TRIM24: variants seen among roughly 807,000 people sequenced by gnomAD.
TRIM24 encodes transcription intermediary factor 1-alpha.
A neutral mutation model predicts 123.9 loss-of-function variants in TRIM24; 29 were observed. The ratio of observed to expected loss-of-function variants is 0.23; its 90% CI spans 0.17 to 0.32. The LOEUF (loss-of-function observed/expected upper bound fraction) is 0.32, where lower values mean the gene tolerates loss of function less well. TRIM24 is among the 10% of genes least tolerant of loss of function. The pLI, the probability that TRIM24 is intolerant of heterozygous loss-of-function variation, is 1.00. For synonymous variants in TRIM24, 456 were observed against 461.1 expected, an observed-to-expected ratio of 0.99 and a Z score of 0.14; for missense variants, 932 against 1,295.3, an observed-to-expected ratio of 0.72 and a Z score of 4.31.
chr7:138,568,764 T>G (rs930451557), intron 10 of TRIM24, among the ~76,000 whole-genome samples: 1 of 150,996 alleles, frequency 6.6e-6, no homozygotes, highest in Non-Finnish European at 1.5e-5. Flanking sequence ...TCACAGTGTT[T>G]TTTCTTCTCA....
At chr7:138,466,773 T>C (rs1795151568) in intron 1 of TRIM24, among the ~76,000 whole-genome samples, 1 of 152,208 alleles carries the variant, frequency 6.6e-6, no homozygotes, top group Non-Finnish European at 1.5e-5. Context: ...TCTTGGTGTC[T>C]TTTGAAGAGC....
At chr7:138,575,909 G>C (rs1395730967) in intron 12 of TRIM24, among the ~76,000 whole-genome samples, 1 of 151,786 alleles carries the variant, frequency 6.6e-6, no homozygotes, top group Non-Finnish European at 1.5e-5. Context: ...TTTCTTTTTT[G>C]AACTCCTTTT....
At chr7:138,462,778 C>T (rs62487613) in intron 1 of TRIM24, among the ~76,000 whole-genome samples, 2 of 152,170 alleles carry the variant, frequency 1.3e-5, no homozygotes, top group African/African-American at 2.4e-5. Context: ...GTTGGACACT[C>T]TCAGATCCTT....
chr7:138,521,506 G>C (rs1300959264), intron 4 of TRIM24, among the ~76,000 whole-genome samples: 1 of 151,944 alleles, frequency 6.6e-6, no homozygotes, highest in African/African-American at 2.4e-5. Context: ...ATGTGGAATA[G>C]TTAATCAGTA....
At chr7:138,500,018 A>G (rs936839496) in intron 1 of TRIM24, among the ~76,000 whole-genome samples, 1 of 152,146 alleles carries the variant, frequency 6.6e-6, no homozygotes, top group Non-Finnish European at 1.5e-5. Flanking sequence ...GGTGATCCAT[A>G]TCATGATCCT....
At chr7:138,515,467 C>G (rs1796375674) in intron 3 of TRIM24, 108 bp downstream of exon 3, 1 of 1,258,772 alleles carries the variant, frequency 7.9e-7, no homozygotes, top group Non-Finnish European at 1.1e-6. Flanking sequence ...ATTAAATATA[C>G]TGTTTTAAGT....
At chr7:138,572,835 G>A (rs1202711368) in intron 11 of TRIM24, among the ~76,000 whole-genome samples, 2 of 152,206 alleles carry the variant, frequency 1.3e-5, no homozygotes, top group African/African-American at 4.8e-5. Flanking sequence ...TTAGGGATTT[G>A]TAAATATTTT....
At chr7:138,532,887 G>C (rs1403947710) in intron 6 of TRIM24, among the ~76,000 whole-genome samples, 1 of 151,958 alleles carries the variant, frequency 6.6e-6, no homozygotes, top group African/African-American at 2.4e-5. Context: ...CTTTTATTTT[G>C]TTGAGCAGTG....
chr7:138,541,083 A>G (rs1584728996), intron 7 of TRIM24, among the ~76,000 whole-genome samples: 1 of 151,906 alleles, frequency 6.6e-6, no homozygotes, highest in Non-Finnish European at 1.5e-5. Context: ...CAAGTGATCC[A>G]CCCGCCTTGG....
In TRIM24 at chr7:138,508,692, T is replaced by TGTGCGCGCGCGCGCGC. The variant is rs1422176564; in HGVS notation, c.483+4285_483+4286insTGCGCGCGCGCGCGCG. Among the ~76,000 whole-genome samples the TGTGCGCGCGCGCGCGC allele has an allele frequency of 3.1e-3, 422 of 137,252 alleles. 10 individuals carry two copies. Among genetic ancestry groups the TGTGCGCGCGCGCGCGC allele is most frequent in the Non-Finnish European group, 5.2e-3 (332 of 64,112 alleles). The allele number at this position is 137,252 out of a possible 152,430, so 90.0% of individuals were successfully genotyped here. On this transcript the variant is annotated intron_variant, in intron 2 of 18. Coordinates refer to ENST00000343526, the MANE Select transcript of TRIM24 (RefSeq NM_015905.3). ...GTGTGTGTGTGTGTGTGTGTGTGTG[T>TGTGCGCGCGCGCGCGC]GCGCGCGCGTGTGTGCGTGTGTGTG... is the stretch of plus-strand genomic sequence containing the variant.
intron 1 of TRIM24, chr7:138,490,792 T>G: frequency 2.0e-6 from 1 of 493,116 alleles, no homozygotes; most frequent in Non-Finnish European, 4.0e-6. Context: ...TCTTTTCCAG[T>G]GCTATCCGGA....
intron 5 of TRIM24, among the ~76,000 whole-genome samples, chr7:138,528,093 G>A (rs1796649940): frequency 6.6e-6 from 1 of 152,162 alleles, no homozygotes. Flanking sequence ...TTGCTATGCG[G>A]CCTAGATGGC....
chr7:138,509,470 G>A (rs1023283278), intron 2 of TRIM24, among the ~76,000 whole-genome samples: 4 of 150,732 alleles, frequency 2.7e-5, no homozygotes, highest in African/African-American at 7.3e-5. Context: ...TTGTGAGGCC[G>A]AGGCAGGCGG....
intron 6 of TRIM24, among the ~76,000 whole-genome samples, chr7:138,533,565 C>T (rs1270732034): frequency 6.6e-6 from 1 of 152,108 alleles, no homozygotes; most frequent in Admixed American, 6.5e-5. Flanking sequence ...GGGATGAAGC[C>T]CACTTGATCA....
intron 18 of TRIM24, among the ~76,000 whole-genome samples, 189 bp downstream of exon 18, chr7:138,584,188 G>A (rs144603590): frequency 3.5e-3 from 533 of 152,288 alleles, no homozygotes; most frequent in African/African-American, 0.012. Flanking sequence ...TTTATTAGAT[G>A]GTGATGGAAA....
At chr7:138,546,855 A>G (rs1005696318) in intron 7 of TRIM24, among the ~76,000 whole-genome samples, 2 of 152,224 alleles carry the variant, frequency 1.3e-5, no homozygotes, top group Non-Finnish European at 2.9e-5. Flanking sequence ...GTAAATTAGT[A>G]CAACCATAGA....
chr7:138,533,338 A>C (rs1048417359), intron 6 of TRIM24, among the ~76,000 whole-genome samples: 1 of 152,324 alleles, frequency 6.6e-6, no homozygotes, highest in South Asian at 2.1e-4. Context: ...ATTCAGTATG[A>C]TATTGACTGT....
intron 1 of TRIM24, among the ~76,000 whole-genome samples, chr7:138,489,648 C>A (rs536200740): frequency 3.9e-5 from 6 of 152,260 alleles, no homozygotes; most frequent in South Asian, 2.1e-4. Flanking sequence ...GTTGAAAATT[C>A]TTTTCTTTAA....
At chr7:138,508,706 T>TGCGCGCGC (rs1554436677) in intron 2 of TRIM24, among the ~76,000 whole-genome samples, 11 of 26,966 alleles carry the variant, frequency 4.1e-4, no homozygotes, top group Non-Finnish European at 8.3e-4. Flanking sequence ...CGCGCGTGTG[T>TGCGCGCGC]GCGTGTGTGT....
Sources: gnomAD v4.1 joint callset for allele counts (sites outside exome capture counted in the v4.1 genomes callset) on GRCh38, gnomAD v4.1.1 for gene constraint, MANE v1.5 for transcripts, NCBI Gene and HGNC (gene_info 2026-07-23, HGNC 2026-07-21) for gene names.